The following NCAPD2 variants were observed in gnomAD, a reference collection of about 807,000 sequenced individuals.
NCAPD2 encodes the protein non-SMC condensin I complex subunit D2.
A neutral mutation model predicts 164.5 loss-of-function variants in NCAPD2; 100 were observed. That is an observed-to-expected ratio of 0.61 (90% CI 0.52 to 0.72). NCAPD2 has a LOEUF of 0.72. Among genes scored for constraint, NCAPD2 ranks in the 30% least tolerant of loss-of-function variants. The pLI, the probability that NCAPD2 is intolerant of heterozygous loss-of-function variation, is 0.00. For missense variants in NCAPD2, 1,560 were observed against 1,749.2 expected (o/e 0.89, Z 1.93); for synonymous variants, 585 against 642.6 (o/e 0.91, Z 1.36).
chr12:6,525,970 A>G, intron 18 of NCAPD2, 98 bp from the exon 19 acceptor site: 1 of 1,483,486 alleles, frequency 6.7e-7, no homozygotes, highest in Non-Finnish European at 9.1e-7. Flanking sequence ...ACGGCTCTAG[A>G]CACCACATGA....
At chr12:6,503,812 T>C (rs1426806876) in intron 2 of NCAPD2, among the ~76,000 whole-genome samples, 1 of 146,964 alleles carries the variant, frequency 6.8e-6, no homozygotes, top group Non-Finnish European at 1.5e-5. Context: ...ACCCCGTCTC[T>C]ACTAAAAAAT....
rs139998720 is a variant in NCAPD2 at position 6,528,967 on chromosome 12, T to A, written c.3500T>A (p.Leu1167His). The part of the protein sequence containing the change: ...SHKGNAIYNL[L>H]PDIISRLSDP... ...CAGGGCAACGCAATCTATAATCTCC[T>A]TCCAGATATCATCAGCCGCCTGTCA... Residue 1167 changes from leucine (L) to histidine (H), a missense_variant, in exon 27 of 32, where the codon CTT becomes CAT. Transcript: ENST00000315579. The surrounding 1 kb of genome is among the most constrained non-coding windows in gnomAD (Gnocchi z 5.1). 1 of 1,613,942 alleles carries A rather than the reference T, an allele frequency of 6.2e-7. No individual in the cohort carries two copies. Among genetic ancestry groups the A allele is most frequent in the African/African-American group, 1.3e-5 (1 of 74,916 alleles).
chr12:6,519,732 A>G lies in NCAPD2; in HGVS notation c.1590-1254A>G, dbSNP rs536320411. Among the ~76,000 whole-genome samples, 254 of 152,162 alleles carry G rather than the reference A, an allele frequency of 1.7e-3. 3 individuals carry two copies. The highest frequency in any genetic ancestry group is 0.014 in the Middle Eastern group (4 of 294). On this transcript the variant is annotated intron_variant, in intron 13 of 31. Transcript: ENST00000315579. ...TTAAAAATATTTATGGCTGGGTGCA[A>G]TGGCTCATGCCTGTAATCCCAGCTA... is the stretch of plus-strand genomic sequence containing the variant.
intron 2 of NCAPD2, among the ~76,000 whole-genome samples, chr12:6,504,206 T>TATATAC (rs1946073741): frequency 1.9e-3 from 47 of 25,234 alleles, no homozygotes; most frequent in African/African-American, 0.017. Flanking sequence ...TATATATATA[T>TATATAC]ATATATATAT....
In NCAPD2 at chr12:6,517,173, G is replaced by A. The variant is rs1458525179; in HGVS notation, c.1185+148G>A. ...GTAGTAAAAGTCTTCCTCTACCAAG[G>A]ACGAGGATATCTGGCTCCCTTTAAG... On this transcript the variant is annotated intron_variant, in intron 10 of 31. Coordinates refer to ENST00000315579, the MANE Select transcript of NCAPD2 (RefSeq NM_014865.4). 3.2e-6 allele frequency: 4 copies of A among 1,248,318 alleles called. No individual in the cohort carries two copies. The African/African-American group carries it at 6.0e-5, about 19-fold the overall frequency. 77.3% of individuals were successfully genotyped at this position (1,248,318 alleles called of 1,614,324 possible). A position where few individuals can be genotyped will look rare whatever the true frequency, so the allele number is the denominator to read the frequency against.
In NCAPD2 at chr12:6,514,570, A is replaced by G; in HGVS notation, c.822A>G (p.Ile274Met). ...CAACTGACTATGGAATGAAGAGCAT[A>G]GTGGGAGAGATTGTAAGGTGACTCT... ...LWATDYGMKS[I>M]VGEIVREIGQ... Residue 274 changes from isoleucine to methionine, a missense_variant, in exon 8 of 32, where the codon ATA becomes ATG. Physicochemically the swap from Ile to Met is conservative, Grantham distance 10 (BLOSUM62 1). Transcript: ENST00000315579. 1.9e-6 allele frequency: 3 copies of G among 1,614,096 alleles called. No homozygotes were observed.
chr12:6,531,230 C>G lies in NCAPD2; in HGVS notation c.4121-97C>G. On this transcript the variant is annotated intron_variant, in intron 31 of 31. Coordinates refer to ENST00000315579, the MANE Select transcript of NCAPD2 (RefSeq NM_014865.4). The surrounding 1 kb of genome is among the most constrained non-coding windows in gnomAD (Gnocchi z 4.1). ...CTGTACAGCTTGGATTTTATTTCTT[C>G]TGTGCGGTGTGGGATTGTCTCACTT... 1 of 1,482,618 alleles carries G rather than the reference C, an allele frequency of 6.7e-7. No homozygotes were observed. The highest frequency in any genetic ancestry group is 9.3e-7 in the Non-Finnish European group (1 of 1,078,416). The allele number at this position is 1,482,618 out of a possible 1,614,324, so 91.8% of individuals were successfully genotyped here.
intron 22 of NCAPD2, 37 bp from the exon 23 acceptor site, chr12:6,527,740 T>C (rs762503188): frequency 6.4e-7 from 1 of 1,568,006 alleles, no homozygotes; most frequent in Non-Finnish European, 8.7e-7. Flanking sequence ...AAATGTTGTC[T>C]CTGCTTATCC....
At chr12:6,521,761 T>G in intron 14 of NCAPD2, 37 bp from the exon 15 acceptor site, 2 of 1,606,742 alleles carry the variant, frequency 1.2e-6, no homozygotes, top group Non-Finnish European at 1.7e-6. Context: ...CTGTATCCCC[T>G]TGAACGAAAC....
At chr12:6,518,504 G>GTTTTTGTTT (rs746627585) in intron 13 of NCAPD2, among the ~76,000 whole-genome samples, 2,911 of 44,622 alleles carry the variant, frequency 0.065, 612 homozygotes, top group Admixed American at 0.097. Context: ...CCGTCAACAA[G>GTTTTTGTTT]TTTTTTTTTT....
rs530543216 is a variant in NCAPD2, at chr12:6,510,971, C to T, written c.445-139C>T. The T allele has an allele frequency of 1.7e-5, 22 of 1,263,168 alleles. No individual in the cohort carries two copies. The Middle Eastern group carries it at 8.1e-4, about 47-fold the overall frequency. 78.2% of individuals were successfully genotyped at this position (1,263,168 alleles called of 1,614,324 possible). On this transcript the variant is annotated intron_variant, in intron 5 of 31. Transcript: ENST00000315579. The stretch of plus-strand genomic sequence containing the variant: ...ACACGTTTTCTTCCTGGACAAGTAG[C>T]GCTGTGGAACTTGTAATATTTCTTC...
chr12:6,518,204 CAT>C, intron 13 of NCAPD2: 1 of 315,004 alleles, frequency 3.2e-6, no homozygotes, highest in Non-Finnish European at 5.9e-6. Flanking sequence ...TATAATCAAA[CAT>C]GAGTCCTCCT....
intron 22 of NCAPD2, among the ~76,000 whole-genome samples, 180 bp from the exon 23 acceptor site, chr12:6,527,597 G>C (rs973142680): frequency 1.3e-5 from 2 of 152,220 alleles, no homozygotes; most frequent in Admixed American, 1.3e-4. Flanking sequence ...AACAAATGGG[G>C]ACCTCATTGT....
At position 6,526,207 on chromosome 12, in the gene NCAPD2, G is replaced by A. The variant is rs775254889; in HGVS notation, c.2481+7G>A. The A allele has an allele frequency of 3.7e-6, 6 of 1,614,042 alleles. No individual in the cohort carries two copies. In the East Asian group the frequency reaches 1.3e-4, roughly 36 times the overall value. On this transcript the variant is annotated splice_region_variant and intron_variant, in intron 19 of 31. Coordinates refer to ENST00000315579, the MANE Select transcript of NCAPD2 (RefSeq NM_014865.4). ...CATCTCGGACAGGAGAAAGGTATGT[G>A]GGGGTGGTTCCAAACTAAGGAGAGT...
At chr12:6,516,302 G>C in intron 9 of NCAPD2, among the ~76,000 whole-genome samples, 1 of 144,372 alleles carries the variant, frequency 6.9e-6, no homozygotes, top group East Asian at 1.9e-4. Flanking sequence ...AGGAGTTTGA[G>C]ACCAGCCTGG....
At chr12:6,498,612 ATTCTT>A (rs1035998017) in intron 2 of NCAPD2, among the ~76,000 whole-genome samples, 1 of 146,892 alleles carries the variant, frequency 6.8e-6, no homozygotes, top group Non-Finnish European at 1.5e-5. Flanking sequence ...ATTAACAACA[ATTCTT>A]TTTTTTTTTG....
intron 17 of NCAPD2, among the ~76,000 whole-genome samples, chr12:6,525,032 A>G (rs1262297823): frequency 6.6e-6 from 1 of 152,182 alleles, no homozygotes; most frequent in Non-Finnish European, 1.5e-5. Context: ...AGACCAACCC[A>G]TGGGAAGGAA....
Position 6,531,010 on chromosome 12 carries a change from A to T in NCAPD2, c.4054A>T (p.Thr1352Ser). The change falls in exon 31 of 32, where the codon ACC (threonine) becomes TCC (serine). Residue 1352 changes from threonine (T) to serine (S), a missense_variant. Physicochemically the swap from Thr to Ser is moderately conservative, Grantham distance 58. Coordinates refer to ENST00000315579, the MANE Select transcript of NCAPD2 (RefSeq NM_014865.4). The surrounding 1 kb of genome is among the most constrained non-coding windows in gnomAD (Gnocchi z 4.1). ...PRRTTRRHPNTQQRASKKKPK... is the reference protein window; with the variant it reads ...PRRTTRRHPNSQQRASKKKPK... ...CCGTACTACCCGTCGGCATCCAAACACCCAGCAGCGAGCTTCCAAAAAGAA... is the reference window on the plus strand; with the variant it reads ...CCGTACTACCCGTCGGCATCCAAACTCCCAGCAGCGAGCTTCCAAAAAGAA... 6.2e-7 allele frequency: 1 copy of T among 1,614,084 alleles called. No homozygotes were observed.
intron 2 of NCAPD2, among the ~76,000 whole-genome samples, chr12:6,501,954 C>G (rs1946042172): frequency 1.3e-5 from 2 of 152,240 alleles, no homozygotes; most frequent in East Asian, 3.9e-4. Flanking sequence ...GGGGCAAAAG[C>G]CTGCTAGGAA....
Sources: allele counts gnomAD v4.1 joint callset (sites outside exome capture counted in the v4.1 genomes callset), GRCh38; gene constraint gnomAD v4.1.1; non-coding constraint Gnocchi (gnomAD v3.1); transcripts MANE v1.5; gene names NCBI Gene and HGNC (gene_info 2026-07-23, HGNC 2026-07-21).